The following TANC2 variants were observed in gnomAD, a reference collection of about 807,000 sequenced individuals.
TANC2 encodes the protein tetratricopeptide repeat, ankyrin repeat and coiled-coil containing 2, also known as protein TANC2.
Under a neutral mutation model 210.5 loss-of-function variants are expected in TANC2, and 26 were observed. The ratio of observed to expected loss-of-function variants is 0.12; its 90% CI spans 0.09 to 0.17. The LOEUF is 0.17. Ranked by LOEUF, TANC2 falls within the 10% of genes least tolerant of loss-of-function variation. The probability of loss-of-function intolerance (pLI) is 1.00; values close to 1 mark genes in which losing one functional copy is unlikely to be tolerated. For synonymous variants in TANC2, 931 were observed against 967.1 expected, an observed-to-expected ratio of 0.96 and a Z score of 0.69; for missense variants, 2,129 against 2,608.9, an observed-to-expected ratio of 0.82 and a Z score of 4.01.
At chr17:63,336,741 G>C (rs980657703) in intron 11 of TANC2, among the ~76,000 whole-genome samples, 1 of 151,988 alleles carries the variant, frequency 6.6e-6, no homozygotes, top group African/African-American at 2.4e-5. Flanking sequence ...AGGAAAAGTT[G>C]AAATGAAAAA....
chr17:63,315,491 T>G (rs1382317795), intron 10 of TANC2, among the ~76,000 whole-genome samples: 1 of 152,182 alleles, frequency 6.6e-6, no homozygotes, highest in African/African-American at 2.4e-5. Flanking sequence ...TGAAACTCAC[T>G]TGAGTAAAGA....
chr17:63,141,841 A>G (rs572860979), intron 4 of TANC2, among the ~76,000 whole-genome samples: 11 of 152,326 alleles, frequency 7.2e-5, no homozygotes, highest in African/African-American at 2.6e-4. Context: ...GCCAAATAAG[A>G]TCAGAGCAAA....
At chr17:63,238,376 A>T (rs984540696) in intron 8 of TANC2, among the ~76,000 whole-genome samples, 4 of 152,180 alleles carry the variant, frequency 2.6e-5, no homozygotes, top group Admixed American at 2.6e-4. Flanking sequence ...TTTTCTCTCA[A>T]TGAGAAGTCT....
chr17:63,365,660 A>G (rs1311062562), intron 14 of TANC2, among the ~76,000 whole-genome samples: 2 of 151,830 alleles, frequency 1.3e-5, no homozygotes, highest in African/African-American at 2.4e-5. Flanking sequence ...CTTATTCACA[A>G]TTTTCTGCCA....
chr17:62,996,330 AG>A (rs1179020135), intron 1 of TANC2, among the ~76,000 whole-genome samples: 1 of 152,218 alleles, frequency 6.6e-6, no homozygotes, highest in Non-Finnish European at 1.5e-5. Context: ...CTCACTTAGG[AG>A]TACGCGCCTG....
At chr17:63,290,008 A>G (rs1399625257) in intron 9 of TANC2, among the ~76,000 whole-genome samples, 4 of 152,218 alleles carry the variant, frequency 2.6e-5, no homozygotes, top group Non-Finnish European at 5.9e-5. Context: ...TTCTCCCACA[A>G]GGAATGCTTC....
chr17:63,184,403 T>C (rs1180224270), intron 5 of TANC2, among the ~76,000 whole-genome samples: 2 of 152,198 alleles, frequency 1.3e-5, no homozygotes, highest in Admixed American at 1.3e-4. Flanking sequence ...TTTTAATACA[T>C]TTTTTGTAAT....
intron 2 of TANC2, among the ~76,000 whole-genome samples, chr17:63,043,552 G>A (rs562971514): frequency 6.6e-6 from 1 of 152,212 alleles, no homozygotes; most frequent in Admixed American, 6.5e-5. Flanking sequence ...AAATGGTGGA[G>A]TCGGGACTTG....
At chr17:63,113,445 G>GTC (rs1302308074) in intron 4 of TANC2, among the ~76,000 whole-genome samples, 1 of 152,100 alleles carries the variant, frequency 6.6e-6, no homozygotes, top group Non-Finnish European at 1.5e-5. Flanking sequence ...TCCTTACCTT[G>GTC]TCCGTCAGTC....
At chr17:63,146,469 T>C (rs949119762) in intron 4 of TANC2, among the ~76,000 whole-genome samples, 2 of 152,228 alleles carry the variant, frequency 1.3e-5, no homozygotes, top group African/African-American at 4.8e-5. Context: ...AGGTTAACTT[T>C]ACTAAATATA....
At chr17:63,226,707 G>T (rs1009233275) in intron 7 of TANC2, among the ~76,000 whole-genome samples, 1 of 152,052 alleles carries the variant, frequency 6.6e-6, no homozygotes, top group African/African-American at 2.4e-5. Flanking sequence ...CGTCACCTAG[G>T]TATTAAGCCC....
chr17:63,317,037 T>G (rs899031838), intron 10 of TANC2, among the ~76,000 whole-genome samples: 2 of 151,944 alleles, frequency 1.3e-5, no homozygotes, highest in East Asian at 3.9e-4. Flanking sequence ...GATGGGTCAT[T>G]TGGAACCTCA....
chr17:63,310,832 G>A (rs1311552152), intron 9 of TANC2, among the ~76,000 whole-genome samples: 6 of 152,236 alleles, frequency 3.9e-5, no homozygotes, highest in South Asian at 4.1e-4. Context: ...TCATTTTCAC[G>A]CAACCAGGAT....
chr17:63,024,346 CT>C, intron 2 of TANC2, among the ~76,000 whole-genome samples: 1 of 152,256 alleles, frequency 6.6e-6, no homozygotes, highest in East Asian at 1.9e-4. Context: ...TATGCCTCTC[CT>C]TTTTAGACCA....
chr17:63,170,680 T>G (rs1013009570), intron 5 of TANC2, among the ~76,000 whole-genome samples: 1 of 152,196 alleles, frequency 6.6e-6, no homozygotes, highest in Non-Finnish European at 1.5e-5. Flanking sequence ...GCCACCTATT[T>G]GGACACAGAA....
intron 9 of TANC2, among the ~76,000 whole-genome samples, chr17:63,270,506 C>T (rs557701880): frequency 6.6e-6 from 1 of 152,132 alleles, no homozygotes; most frequent in African/African-American, 2.4e-5. Flanking sequence ...TTCAGTTTGA[C>T]ATATTTTTCT....
chr17:63,198,988 TA>T (rs2041441153), intron 6 of TANC2, among the ~76,000 whole-genome samples: 1 of 152,162 alleles, frequency 6.6e-6, no homozygotes. Context: ...GGTTGGAGGG[TA>T]ATGAGAATGT....
chr17:63,262,786 AAAAG>A (rs990317022), intron 8 of TANC2, among the ~76,000 whole-genome samples: 6 of 152,150 alleles, frequency 3.9e-5, no homozygotes, highest in Non-Finnish European at 5.9e-5. Context: ...CAACCCCCAA[AAAAG>A]AAAGAAAGAA....
intron 7 of TANC2, among the ~76,000 whole-genome samples, chr17:63,234,660 GA>G (rs756403636): frequency 6.5e-4 from 99 of 151,754 alleles, no homozygotes; most frequent in African/African-American, 2.3e-3. Flanking sequence ...ATTTAAATAT[GA>G]AAAAACCCTT....
Sources: gnomAD v4.1 joint callset for allele counts (sites outside exome capture counted in the v4.1 genomes callset) on GRCh38, gnomAD v4.1.1 for gene constraint, MANE v1.5 for transcripts, NCBI Gene and HGNC (gene_info 2026-07-23, HGNC 2026-07-21) for gene names.